Variants in RSRC1 observed in about 807,000 individuals in gnomAD.
RSRC1 encodes the protein arginine and serine rich coiled-coil 1, also known as serine/Arginine-related protein 53.
A neutral mutation model predicts 49.1 loss-of-function variants in RSRC1; 39 were observed. That is an observed-to-expected ratio of 0.79 (90% CI 0.61 to 1.04). The LOEUF (loss-of-function observed/expected upper bound fraction) is 1.04. RSRC1 is among the 50% of genes least tolerant of loss of function. The pLI is 0.00. For missense variants in RSRC1, 388 were observed against 402.4 expected (o/e 0.96, Z 0.31); for synonymous variants, 143 against 130.8 (o/e 1.09, Z -0.63).
intron 3 of RSRC1, among the ~76,000 whole-genome samples, chr3:158,157,796 T>A (rs1388835692): frequency 6.6e-6 from 1 of 151,946 alleles, no homozygotes; most frequent in Non-Finnish European, 1.5e-5. Flanking sequence ...ATGCCTGTAA[T>A]CCCAGCTACT....
At chr3:158,147,668 T>C (rs1322745743) in intron 3 of RSRC1, among the ~76,000 whole-genome samples, 1 of 152,168 alleles carries the variant, frequency 6.6e-6, no homozygotes, top group African/African-American at 2.4e-5. Flanking sequence ...CAAAAACAAA[T>C]TTAAAAAGTA....
At chr3:158,140,972 C>G (rs1716707782) in intron 3 of RSRC1, among the ~76,000 whole-genome samples, 1 of 152,196 alleles carries the variant, frequency 6.6e-6, no homozygotes, top group African/African-American at 2.4e-5. Context: ...CACCAGAGAG[C>G]TGTAGTATCA....
At chr3:158,534,671 G>A (rs1712617050) in intron 7 of RSRC1, among the ~76,000 whole-genome samples, 1 of 151,552 alleles carries the variant, frequency 6.6e-6, no homozygotes, top group African/African-American at 2.4e-5. Flanking sequence ...TATTAAAGCT[G>A]TAACTGTGAA....
chr3:158,158,678 G>A (rs535096653), intron 3 of RSRC1, among the ~76,000 whole-genome samples: 2 of 152,212 alleles, frequency 1.3e-5, no homozygotes, highest in East Asian at 3.9e-4. Flanking sequence ...AGTGGCTCAT[G>A]CCTGTAATCC....
Position 158,487,946 on chromosome 3 carries a change from C to CAAAAAAAAAAAAAAAAAAA in RSRC1, c.652+26945_652+26946insAAAAAAAAAAAAAAAAAAA, listed in dbSNP as rs1303656428. Among the ~76,000 whole-genome samples, 84 of 11,436 alleles carry CAAAAAAAAAAAAAAAAAAA rather than the reference C, an allele frequency of 7.3e-3. 3 individuals carry two copies. Among genetic ancestry groups the CAAAAAAAAAAAAAAAAAAA allele is most frequent in the Non-Finnish European group, 8.6e-3 (68 of 7,878 alleles). 7.5% of individuals were successfully genotyped at this position (11,436 alleles called of 152,430 possible). ...GCCTAGGAGACAAGAGACTCCATCTCAAGAAAAAAAAAAAAAAAAAAAAAA... is the reference window on the plus strand; with the variant it reads ...GCCTAGGAGACAAGAGACTCCATCTCAAAAAAAAAAAAAAAAAAAAAGAAAAAAAAAAAAAAAAAAAAAA... On this transcript the variant is annotated intron_variant, in intron 7 of 9. Transcript: ENST00000611884.
At chr3:158,323,166 T>G (rs956811671) in intron 5 of RSRC1, among the ~76,000 whole-genome samples, 1 of 152,156 alleles carries the variant, frequency 6.6e-6, no homozygotes, top group South Asian at 2.1e-4. Flanking sequence ...TATTTTAGGG[T>G]TTTTGCAGTT....
chr3:158,193,088 G>A lies in RSRC1; in HGVS notation c.321-9984G>A, dbSNP rs952560440. Among the ~76,000 whole-genome samples, 25 of 151,854 alleles carry A rather than the reference G, an allele frequency of 1.6e-4. 1 individual carries two copies. The highest frequency in any genetic ancestry group is 6.2e-4 in the South Asian group (3 of 4,822). ...TTCCTTCTCCCAAATAACTTGTGTT[G>A]TTTCACAACTCAGTTAGGTAATATT... On this transcript the variant is annotated intron_variant, in intron 3 of 9. Coordinates refer to ENST00000611884, the MANE Select transcript of RSRC1 (RefSeq NM_001271838.2).
chr3:158,363,596 C>G (rs1731602710), intron 6 of RSRC1, among the ~76,000 whole-genome samples: 1 of 152,094 alleles, frequency 6.6e-6, no homozygotes, highest in Admixed American at 6.5e-5. Flanking sequence ...AAGTTAAATA[C>G]CTGAGTTATG....
Position 158,299,748 on chromosome 3 carries a change from C to T in RSRC1, c.531+1673C>T, listed in dbSNP as rs867922626. 7.2e-5 allele frequency among the ~76,000 whole-genome samples: 11 copies of T among 152,218 alleles called. No homozygotes were observed. In the Middle Eastern group the frequency reaches 0.02, roughly 282 times the overall value. The stretch of plus-strand genomic sequence containing the variant: ...TTTGATGTTTTACTAGTTTAAATTT[C>T]GTATGTTTTATACTTACTAGTAGCA... On this transcript the variant is annotated intron_variant, in intron 5 of 9. Transcript: ENST00000611884.
chr3:158,526,837 CATCACAAAAGAACAG>C (rs1179126571), intron 7 of RSRC1, among the ~76,000 whole-genome samples: 7 of 151,922 alleles, frequency 4.6e-5, no homozygotes, highest in Admixed American at 6.6e-5. Context: ...TTGCTTCTGA[CATCACAAAAGAACAG>C]ATCACAAAAG....
intron 4 of RSRC1, among the ~76,000 whole-genome samples, chr3:158,253,692 C>A (rs959603828): frequency 6.6e-6 from 1 of 152,054 alleles, no homozygotes; most frequent in Non-Finnish European, 1.5e-5. Flanking sequence ...GTACTGAAAT[C>A]TGTTTCTCTC....
intron 3 of RSRC1, among the ~76,000 whole-genome samples, chr3:158,164,935 A>G (rs1024553490): frequency 3.3e-5 from 5 of 152,186 alleles, no homozygotes; most frequent in Non-Finnish European, 7.4e-5. Context: ...TTGATTGGAA[A>G]AGAGTTGGAA....
At chr3:158,264,647 A>G (rs775452408) in intron 4 of RSRC1, among the ~76,000 whole-genome samples, 18 of 152,184 alleles carry the variant, frequency 1.2e-4, no homozygotes, top group Non-Finnish European at 2.4e-4. Context: ...TAGTTTTTCA[A>G]TCCTATGAAC....
intron 6 of RSRC1, among the ~76,000 whole-genome samples, chr3:158,387,605 CT>C (rs1472986467): frequency 3.9e-5 from 6 of 152,056 alleles, no homozygotes; most frequent in Non-Finnish European, 5.9e-5. Context: ...GCCTTAATAT[CT>C]TTGTTAATAA....
chr3:158,329,507 G>A (rs1045520713), intron 5 of RSRC1, among the ~76,000 whole-genome samples: 13 of 152,182 alleles, frequency 8.5e-5, no homozygotes, highest in African/African-American at 2.7e-4. Context: ...GTCCACTCCA[G>A]CCCCTGTTTG....
intron 7 of RSRC1, among the ~76,000 whole-genome samples, chr3:158,525,259 G>T (rs1224136675): frequency 1.3e-5 from 2 of 151,884 alleles, no homozygotes; most frequent in African/African-American, 4.8e-5. Context: ...GATTTCAACA[G>T]ATCATTCAGA....
chr3:158,298,715 T>C (rs925291104), intron 5 of RSRC1, among the ~76,000 whole-genome samples: 3 of 152,168 alleles, frequency 2.0e-5, no homozygotes, highest in Non-Finnish European at 4.4e-5. Context: ...GTATTGAGTG[T>C]TTATTACAAC....
At chr3:158,246,261 G>C (rs150185179) in intron 4 of RSRC1, among the ~76,000 whole-genome samples, 6 of 149,454 alleles carry the variant, frequency 4.0e-5, no homozygotes, top group South Asian at 4.4e-4. Context: ...GTGCGGGGAG[G>C]GGGGAGGGAT....
chr3:158,258,208 C>CTTTTTTTTTTT (rs71144451), intron 4 of RSRC1, among the ~76,000 whole-genome samples: 5 of 65,776 alleles, frequency 7.6e-5, no homozygotes, highest in Admixed American at 2.1e-4. Context: ...TCCTTTTAAC[C>CTTTTTTTTTTT]TTTTTTTTTT....
Sources: allele counts gnomAD v4.1 joint callset (sites outside exome capture counted in the v4.1 genomes callset), GRCh38; gene constraint gnomAD v4.1.1; transcripts MANE v1.5; gene names NCBI Gene and HGNC (gene_info 2026-07-23, HGNC 2026-07-21).